The following ZNF587B variants were observed in gnomAD, a reference collection of about 807,000 sequenced individuals.
The protein encoded by ZNF587B is zinc finger protein 587B.
In ZNF587B, 6 loss-of-function variants were observed where a neutral mutation model predicts 7.2. The ratio of observed to expected loss-of-function variants is 0.83; its 90% CI spans 0.46 to 1.65. The LOEUF is 1.65. ZNF587B is among the 40% of genes most tolerant of loss of function. The probability of loss-of-function intolerance (pLI) is 0.01; values close to 1 mark genes in which losing one functional copy is unlikely to be tolerated. For missense variants in ZNF587B, 749 were observed against 761.0 expected (o/e 0.98, Z 0.19); for synonymous variants, 274 against 254.3 (o/e 1.08, Z -0.74).
At position 57,830,457 on chromosome 19, in the gene ZNF587B, A is replaced by C. The variant is rs1167631333; in HGVS notation, c.-72A>C. On this transcript the variant is annotated 5_prime_UTR_variant, in exon 1 of 3. Transcript: ENST00000594901. ...GCGTGACCCACCCCTGGGCCAGGAT[A>C]GGGACCGTCATGCCCATATCTCCTG... The C allele has an allele frequency of 2.6e-6, 4 of 1,515,308 alleles. No individual in the cohort carries two copies. The African/African-American group carries it at 5.5e-5, about 21-fold the overall frequency. 93.9% of individuals were successfully genotyped at this position (1,515,308 alleles called of 1,614,324 possible).
rs1451827417 is a variant in ZNF587B, at chr19:57,844,923, T to A, written c.*2347T>A. 1.3e-5 allele frequency: 2 copies of A among 152,218 alleles called. No individual in the cohort carries two copies. The highest frequency in any genetic ancestry group is 2.9e-5 in the Non-Finnish European group (2 of 68,044). The allele number at this position is 152,218 out of a possible 1,614,324, so 9.4% of individuals were successfully genotyped here. The stretch of plus-strand genomic sequence containing the variant: ...GATGAAATTATAATTTTATGGTTAC[T>A]TAGTTACTGCATTTATAGTCAGCAG... On this transcript the variant is annotated 3_prime_UTR_variant, in exon 3 of 3. Coordinates refer to ENST00000594901, the MANE Select transcript of ZNF587B (RefSeq NM_001376223.1).
In ZNF587B at chr19:57,842,121, G is replaced by T. The variant is rs375256421; in HGVS notation, c.1447G>T (p.Val483Leu). The change falls in exon 3 of 3, where the codon GTA becomes TTA. Residue 483 changes from valine (V) to leucine (L), a missense_variant. Val to Leu is a conservative substitution (Grantham distance 32). This residue lies in a region of ZNF587B where 656 missense variants were observed against 596.5 expected (regional missense o/e 1.10). Coordinates refer to ENST00000594901, the MANE Select transcript of ZNF587B (RefSeq NM_001376223.1). ...KLFKKKSHLL[V>L]HQRIHSGEKP... ...ATTTAAGAAGAAGTCTCACCTCCTT[G>T]TACACCAGAGAATTCACAGTGGAGA... 15 of 1,609,464 alleles carry T rather than the reference G, an allele frequency of 9.3e-6. No homozygotes were observed. The highest frequency in any genetic ancestry group is 1.3e-5 in the Non-Finnish European group (15 of 1,177,642).
At chr19:57,833,002 G>A (rs1988479021) in intron 1 of ZNF587B, among the ~76,000 whole-genome samples, 1 of 152,268 alleles carries the variant, frequency 6.6e-6, no homozygotes, top group Admixed American at 6.5e-5. Flanking sequence ...GCTGAAGCCA[G>A]CACAGCACTG....
In ZNF587B at chr19:57,841,746, G is replaced by C. The variant is rs773189365; in HGVS notation, c.1072G>C (p.Glu358Gln). 9.3e-6 allele frequency: 15 copies of C among 1,608,360 alleles called. 1 individual carries two copies. The South Asian group carries it at 1.4e-4, about 15-fold the overall frequency. Residue 358 changes from glutamate to glutamine, a missense_variant, in exon 3 of 3, where the codon GAA (glutamate) becomes CAA (glutamine). Physicochemically the swap from Glu to Gln is conservative, Grantham distance 29. Transcript: ENST00000594901. Reference protein sequence around the residue: ...HTGERPYKCGECEKSFSRKPS... With the variant: ...HTGERPYKCGQCEKSFSRKPS... ...TGGAGAGAGACCTTACAAGTGTGGA[G>C]AATGTGAGAAATCTTTTAGTCGGAA...
At position 57,840,847 on chromosome 19, in the gene ZNF587B, G is replaced by A. The variant is rs775655444; in HGVS notation, c.173G>A (p.Cys58Tyr). 1.1e-5 allele frequency: 17 copies of A among 1,542,086 alleles called. No individual in the cohort carries two copies. In the Admixed American group the frequency reaches 1.7e-4, roughly 15 times the overall value. The change falls in exon 3 of 3, where the codon TGT becomes TAT. Residue 58 changes from cysteine (C) to tyrosine (Y), a missense_variant. By Grantham distance (194) the Cys-to-Tyr change is radical (BLOSUM62 -2). This residue lies in a region of ZNF587B where 72 missense variants were observed against 147.8 expected (regional missense o/e 0.49). Coordinates refer to ENST00000594901, the MANE Select transcript of ZNF587B (RefSeq NM_001376223.1). ...ATTTTCTTGCTTTCAGGTTGTTGGT[G>A]TGGAGTGGAAGATGAGGCGGCACCT... Reference protein sequence around the residue: ...LALMSSLGCWCGVEDEAAPSK... With the variant: ...LALMSSLGCWYGVEDEAAPSK...
At chr19:57,838,310 C>T (rs562601002) in intron 1 of ZNF587B, among the ~76,000 whole-genome samples, 2 of 149,978 alleles carry the variant, frequency 1.3e-5, no homozygotes, top group South Asian at 2.1e-4. Flanking sequence ...AAAAAAGATA[C>T]TTTAAATTGT....
At chr19:57,831,952 C>T (rs1297801106) in intron 1 of ZNF587B, among the ~76,000 whole-genome samples, 1 of 150,408 alleles carries the variant, frequency 6.6e-6, no homozygotes. Context: ...GCAATACGCT[C>T]GCCTCGGCCT....
chr19:57,830,859 C>G (rs988146442), intron 1 of ZNF587B, among the ~76,000 whole-genome samples: 5 of 152,044 alleles, frequency 3.3e-5, no homozygotes, highest in African/African-American at 1.2e-4. Flanking sequence ...GCTCAAAGTT[C>G]TCGCGGCCCC....
At chr19:57,840,332 A>G (rs567222137) in intron 2 of ZNF587B, among the ~76,000 whole-genome samples, 8 of 151,988 alleles carry the variant, frequency 5.3e-5, no homozygotes, top group Non-Finnish European at 1.0e-4. Context: ...GTACCCTAAT[A>G]TCCATTCTCC....
intron 1 of ZNF587B, among the ~76,000 whole-genome samples, 177 bp downstream of exon 1, chr19:57,830,741 A>G (rs1347307234): frequency 1.0e-5 from 1 of 96,350 alleles, no homozygotes; most frequent in African/African-American, 4.5e-5. Context: ...TTTTATAGTC[A>G]CTGTACCTGA....
rs1988986583 is a variant in ZNF587B at position 57,844,201 on chromosome 19, G to C, written c.*1625G>C. 2.3e-6 allele frequency: 1 copy of C among 434,070 alleles called. No individual in the cohort carries two copies. The allele number at this position is 434,070 out of a possible 1,614,324, so 26.9% of individuals were successfully genotyped here. On this transcript the variant is annotated 3_prime_UTR_variant, in exon 3 of 3. Transcript: ENST00000594901. ...TCCCAGAGGACTCTTGTGCTGACTT[G>C]AAAAGATGGACTATTTTGGCTAAGC... is the stretch of plus-strand genomic sequence containing the variant.
At chr19:57,835,617 C>T (rs1427156875) in intron 1 of ZNF587B, among the ~76,000 whole-genome samples, 2 of 141,850 alleles carry the variant, frequency 1.4e-5, no homozygotes, top group Non-Finnish European at 3.1e-5. Context: ...CCACCTCAGC[C>T]TTCCAAAGTG....
chr19:57,840,075 C>CAAAAAAAAAAAAAAA (rs774635301), intron 2 of ZNF587B, among the ~76,000 whole-genome samples: 6 of 81,110 alleles, frequency 7.4e-5, no homozygotes, highest in African/African-American at 2.2e-4. Flanking sequence ...ACTCTGTCTC[C>CAAAAAAAAAAAAAAA]AAAAAAAAAA....
At position 57,830,364 on chromosome 19, in the gene ZNF587B, C is replaced by G. The variant is rs1988324750; in HGVS notation, c.-165C>G. On this transcript the variant is annotated 5_prime_UTR_variant, in exon 1 of 3. Transcript: ENST00000594901. ...CTAGGTCGGCACTGCGGTGACTGAA[C>G]CCAGAAGGCGGAGAACAGTTGTCCT... The G allele has an allele frequency of 1.5e-5, 10 of 681,860 alleles. No homozygotes were observed. Among genetic ancestry groups the G allele is most frequent in the South Asian group, 1.2e-4 (6 of 52,020 alleles). The allele number at this position is 681,860 out of a possible 1,614,324, so 42.2% of individuals were successfully genotyped here.
At position 57,841,543 on chromosome 19, in the gene ZNF587B, A is replaced by C; in HGVS notation, c.869A>C (p.Gln290Pro). The stretch of plus-strand genomic sequence containing the variant: ...AAGAGCAGCCTCATTCAACATCAGC[A>C]ATTTCACACTGGAGGAAAACCTTAT... ...SQKSSLIQHQ[Q>P]FHTGGKPYGC... The change falls in exon 3 of 3, where the codon CAA (glutamine) becomes CCA (proline). Residue 290 changes from glutamine (Q) to proline (P), a missense_variant. By Grantham distance (76) the Gln-to-Pro change is moderately conservative. Around this residue, in one of 3 missense-constraint regions of ZNF587B, gnomAD observed 656 missense variants for 596.5 expected, o/e 1.10. Coordinates refer to ENST00000594901, the MANE Select transcript of ZNF587B (RefSeq NM_001376223.1). 1 of 1,581,516 alleles carries C rather than the reference A, an allele frequency of 6.3e-7. No homozygotes were observed. Among genetic ancestry groups the C allele is most frequent in the Non-Finnish European group, 8.6e-7 (1 of 1,163,138 alleles).
At chr19:57,838,294 TAAAAA>T (rs76240138) in intron 1 of ZNF587B, among the ~76,000 whole-genome samples, 35 of 122,524 alleles carry the variant, frequency 2.9e-4, no homozygotes, top group African/African-American at 1.1e-3. Context: ...CAAAAAAAAA[TAAAAA>T]AAAAAAGATA....
chr19:57,836,960 T>TAAAA (rs71188052), intron 1 of ZNF587B, among the ~76,000 whole-genome samples: 32 of 106,232 alleles, frequency 3.0e-4, no homozygotes, highest in African/African-American at 8.8e-4. Context: ...GACTCCGTCA[T>TAAAA]AAAAAAAAAA....
chr19:57,837,912 T>C (rs192553879), intron 1 of ZNF587B, among the ~76,000 whole-genome samples: 5 of 152,260 alleles, frequency 3.3e-5, no homozygotes, highest in Admixed American at 6.5e-5. Flanking sequence ...AAACTGCTCT[T>C]GACGACATCT....
intron 1 of ZNF587B, among the ~76,000 whole-genome samples, chr19:57,835,768 T>G (rs1467652949): frequency 7.1e-6 from 1 of 139,924 alleles, no homozygotes; most frequent in African/African-American, 2.8e-5. Flanking sequence ...TAAGGAGGGT[T>G]GTTTTCACCA....
Sources: gnomAD v4.1 joint callset for allele counts (sites outside exome capture counted in the v4.1 genomes callset) on GRCh38, gnomAD v4.1.1 for gene constraint, gnomAD v4.1.1 regional missense constraint, MANE v1.5 for transcripts, NCBI Gene and HGNC (gene_info 2026-07-23, HGNC 2026-07-21) for gene names.